BRMS1L: variants seen among roughly 807,000 people sequenced by gnomAD.
BRMS1L encodes the protein breast cancer metastasis-suppressor 1-like protein.
Under a neutral mutation model 50.3 loss-of-function variants are expected in BRMS1L, and 23 were observed. The ratio of observed to expected loss-of-function variants is 0.46; its 90% confidence interval spans 0.33 to 0.65. The LOEUF (loss-of-function observed/expected upper bound fraction) is 0.65. Ranked by LOEUF, BRMS1L falls within the 30% of genes least tolerant of loss-of-function variation. The probability of loss-of-function intolerance (pLI) is 0.02; values close to 1 mark genes in which losing one functional copy is unlikely to be tolerated. For missense variants in BRMS1L, 286 were observed against 386.1 expected (o/e 0.74, Z 2.17); for synonymous variants, 114 against 126.9 (o/e 0.90, Z 0.69).
chr14:35,833,151 C>T (rs369086837), intron 3 of BRMS1L, 46 bp downstream of exon 3: 3 of 1,555,602 alleles, frequency 1.9e-6, no homozygotes, highest in African/African-American at 1.4e-5. Flanking sequence ...GTAAACTCTT[C>T]AGTAGCTTTA....
At chr14:35,830,310 C>T (rs1211126645) in intron 1 of BRMS1L, among the ~76,000 whole-genome samples, 1 of 152,176 alleles carries the variant, frequency 6.6e-6, no homozygotes, top group Non-Finnish European at 1.5e-5. Flanking sequence ...CTCAGGTGAT[C>T]CGCCTGCCTC....
At chr14:35,833,942 T>A (rs142499256) in intron 3 of BRMS1L, among the ~76,000 whole-genome samples, 113 of 152,332 alleles carry the variant, frequency 7.4e-4, no homozygotes, top group African/African-American at 2.5e-3. Context: ...TCTTTACATA[T>A]TGACAACATA....
intron 4 of BRMS1L, among the ~76,000 whole-genome samples, chr14:35,861,682 A>G (rs939669147): frequency 6.6e-6 from 1 of 152,166 alleles, no homozygotes; most frequent in African/African-American, 2.4e-5. Context: ...AAGCATGTAT[A>G]ATTTCTAAAT....
chr14:35,871,561 G>A lies in BRMS1L; in HGVS notation c.*1084G>A, dbSNP rs2078492173. The stretch of plus-strand genomic sequence containing the variant: ...ATATGGCAGCACAGCCGGCTGTAGT[G>A]TATATTTAGGGTACACCAAATCAGG... On this transcript the variant is annotated 3_prime_UTR_variant, in exon 10 of 10. Coordinates refer to ENST00000216807, the MANE Select transcript of BRMS1L (RefSeq NM_032352.4). 1 of 152,624 alleles carries A rather than the reference G, an allele frequency of 6.6e-6. No homozygotes were observed. Among genetic ancestry groups the A allele is most frequent in the African/African-American group, 2.4e-5 (1 of 41,448 alleles). 9.5% of individuals were successfully genotyped at this position (152,624 alleles called of 1,614,324 possible).
At chr14:35,849,668 G>A (rs2078183417) in intron 4 of BRMS1L, among the ~76,000 whole-genome samples, 1 of 152,076 alleles carries the variant, frequency 6.6e-6, no homozygotes, top group Admixed American at 6.6e-5. Flanking sequence ...GTTTTGATTT[G>A]CATTTCCCTG....
At position 35,826,618 on chromosome 14, in the gene BRMS1L, C is replaced by A; in HGVS notation, c.102C>A (p.Asp34Glu). 1 of 1,612,572 alleles carries A rather than the reference C, an allele frequency of 6.2e-7. No homozygotes were observed. ...AGGGGAGCAGCTCCGAGGACGAGGA[C>A]ACTGAGAGCTCGTCGGTCTCCGAGG... ...ENEGSSSEDE[D>E]TESSSVSEDG... Residue 34 changes from aspartate (D) to glutamate (E), a missense_variant, in exon 1 of 10, where the codon GAC becomes GAA. By Grantham distance (45) the Asp-to-Glu change is conservative. This residue lies in a region of BRMS1L where 66 missense variants were observed against 67.8 expected (regional missense o/e 0.97). Coordinates refer to ENST00000216807, the MANE Select transcript of BRMS1L (RefSeq NM_032352.4).
intron 9 of BRMS1L, among the ~76,000 whole-genome samples, chr14:35,869,477 T>C (rs1269373034): frequency 1.3e-5 from 2 of 152,068 alleles, no homozygotes; most frequent in African/African-American, 4.8e-5. Flanking sequence ...TGAGCCCTGA[T>C]TGTGGCCCTG....
Position 35,826,417 on chromosome 14 carries a change from C to G in BRMS1L, c.-100C>G, listed in dbSNP as rs542381901. The G allele has an allele frequency of 2.6e-6, 4 of 1,525,128 alleles. No homozygotes were observed. The African/African-American group carries it at 4.1e-5, about 16-fold the overall frequency. The allele number at this position is 1,525,128 out of a possible 1,614,324, so 94.5% of individuals were successfully genotyped here. A position where few individuals can be genotyped will look rare whatever the true frequency, so the allele number is the denominator to read the frequency against. On this transcript the variant is annotated 5_prime_UTR_variant, in exon 1 of 10. Transcript: ENST00000216807. The stretch of plus-strand genomic sequence containing the variant: ...GGGAGGAGCCAAGGGGGCGAGCAAG[C>G]TCGGTGGCTGGGTGGGTTGGGGCGT...
rs1429619719 is a variant in BRMS1L, at chr14:35,871,273, G to C, written c.*796G>C. On this transcript the variant is annotated 3_prime_UTR_variant, in exon 10 of 10. Coordinates refer to ENST00000216807, the MANE Select transcript of BRMS1L (RefSeq NM_032352.4). ...AATAACTGACAGTATTGTGCTTGCT[G>C]TACATGTCTGGTCTTTTGAAACAGA... 6.6e-6 allele frequency: 1 copy of C among 152,614 alleles called. No individual in the cohort carries two copies. Among genetic ancestry groups the C allele is most frequent in the Non-Finnish European group, 1.5e-5 (1 of 68,038 alleles). The allele number at this position is 152,614 out of a possible 1,614,324, so 9.5% of individuals were successfully genotyped here.
chr14:35,846,776 A>G (rs1471408587), intron 4 of BRMS1L, among the ~76,000 whole-genome samples: 1 of 152,114 alleles, frequency 6.6e-6, no homozygotes, highest in African/African-American at 2.4e-5. Flanking sequence ...CTTTTTTCCC[A>G]TTGTGATAAA....
chr14:35,859,122 G>A (rs1416200573), intron 4 of BRMS1L, among the ~76,000 whole-genome samples: 1 of 151,450 alleles, frequency 6.6e-6, no homozygotes, highest in Middle Eastern at 3.2e-3. Flanking sequence ...TTCCTTTTTT[G>A]TAGTAGAGAC....
intron 4 of BRMS1L, among the ~76,000 whole-genome samples, chr14:35,855,782 C>G (rs2078271922): frequency 6.6e-6 from 1 of 151,930 alleles, no homozygotes. Flanking sequence ...GAAAGCTAAC[C>G]TATCTTTAAA....
rs2078482161 is a variant in BRMS1L, at chr14:35,870,806, A to G, written c.*329A>G. Reference sequence around the variant, plus strand: ...CTTATCTTTAGTAAACTATGACTACATTTATCTGCAATTTTTAAAATTTTC... The same window carrying G: ...CTTATCTTTAGTAAACTATGACTACGTTTATCTGCAATTTTTAAAATTTTC... On this transcript the variant is annotated 3_prime_UTR_variant, in exon 10 of 10. Transcript: ENST00000216807. The G allele has an allele frequency of 6.4e-6, 1 of 157,412 alleles. No homozygotes were observed. Among genetic ancestry groups the G allele is most frequent in the Admixed American group, 6.4e-5 (1 of 15,590 alleles). The allele number at this position is 157,412 out of a possible 1,614,324, so 9.8% of individuals were successfully genotyped here.
chr14:35,863,622 C>T (rs770917812), intron 5 of BRMS1L, among the ~76,000 whole-genome samples: 10 of 152,170 alleles, frequency 6.6e-5, no homozygotes, highest in Non-Finnish European at 1.3e-4. Flanking sequence ...TTACAAAGTG[C>T]ATGACAATAT....
intron 5 of BRMS1L, 53 bp from the exon 6 acceptor site, chr14:35,863,817 C>T (rs1347949107): frequency 2.7e-6 from 4 of 1,503,822 alleles, no homozygotes; most frequent in Middle Eastern, 1.8e-4. Context: ...AGTCTTTTTT[C>T]CTCCTTTGTT....
chr14:35,868,082 C>CG, intron 9 of BRMS1L, 50 bp downstream of exon 9: 1 of 1,514,706 alleles, frequency 6.6e-7, no homozygotes, highest in Non-Finnish European at 8.8e-7. Context: ...TCATTTACAA[C>CG]ATCGTTGTCA....
intron 1 of BRMS1L, among the ~76,000 whole-genome samples, chr14:35,829,403 C>G (rs1241371883): frequency 1.3e-5 from 2 of 151,990 alleles, no homozygotes; most frequent in Non-Finnish European, 2.9e-5. Context: ...AATTCCATCC[C>G]AAAAAATAAT....
Position 35,845,234 on chromosome 14 carries a change from C to T in BRMS1L, c.441+10311C>T, listed in dbSNP as rs570811419. On this transcript the variant is annotated intron_variant, in intron 4 of 9. Coordinates refer to ENST00000216807, the MANE Select transcript of BRMS1L (RefSeq NM_032352.4). ...TTATTTGTTTTACTTGTTTTAATGG[C>T]ACTGATAGGACCTCCAATACAAAGT... Among the ~76,000 whole-genome samples, 6 of 152,254 alleles carry T rather than the reference C, an allele frequency of 3.9e-5. No homozygotes were observed. The East Asian group carries it at 9.6e-4, about 24-fold the overall frequency.
intron 9 of BRMS1L, 22 bp from the exon 10 acceptor site, chr14:35,870,338 A>T: frequency 7.3e-7 from 1 of 1,378,564 alleles, no homozygotes. Flanking sequence ...TCATTCATTC[A>T]TTCTTTTTTT....
Sources: gnomAD v4.1 joint callset for allele counts (sites outside exome capture counted in the v4.1 genomes callset) on GRCh38, gnomAD v4.1.1 for gene constraint, gnomAD v4.1.1 regional missense constraint, MANE v1.5 for transcripts, NCBI Gene and HGNC (gene_info 2026-07-23, HGNC 2026-07-21) for gene names.